The following METTL15 variants were observed in gnomAD, a reference collection of about 807,000 sequenced individuals.
The protein encoded by METTL15 is methyltransferase 15, mitochondrial 12S rRNA N4-cytidine.
In METTL15, 34 loss-of-function variants were observed where a neutral mutation model predicts 38.3. The ratio of observed to expected loss-of-function variants is 0.89; its 90% CI spans 0.68 to 1.18. The LOEUF is 1.18. Ranked by LOEUF, METTL15 falls within the 50% of genes most tolerant of loss-of-function variation. The probability of loss-of-function intolerance (pLI) is 0.00; values close to 1 mark genes in which losing one functional copy is unlikely to be tolerated. For missense variants in METTL15, 438 were observed against 498.4 expected, an observed-to-expected ratio of 0.88 and a Z score of 1.15; for synonymous variants, 162 against 170.9, an observed-to-expected ratio of 0.95 and a Z score of 0.41.
chr11:28,390,920 A>G (rs993306114), intron 5 of METTL15, among the ~76,000 whole-genome samples: 15 of 152,132 alleles, frequency 9.9e-5, no homozygotes, highest in African/African-American at 3.6e-4. Context: ...AGTGGTTTGT[A>G]GTTCCCCTTG....
chr11:28,411,380 A>G (rs749830750), intron 5 of METTL15, among the ~76,000 whole-genome samples: 1 of 152,096 alleles, frequency 6.6e-6, no homozygotes, highest in Non-Finnish European at 1.5e-5. Context: ...CTGGCATAAA[A>G]ACAGAAATAT....
intron 3 of METTL15, among the ~76,000 whole-genome samples, chr11:28,200,515 A>G (rs1260452758): frequency 2.0e-5 from 3 of 152,080 alleles, no homozygotes; most frequent in African/African-American, 4.8e-5. Context: ...TGTTGTTTCT[A>G]CTTAACTGGG....
chr11:28,279,943 A>G (rs1855991537), intron 4 of METTL15, among the ~76,000 whole-genome samples: 1 of 151,842 alleles, frequency 6.6e-6, no homozygotes, highest in Non-Finnish European at 1.5e-5. Flanking sequence ...GAAGGCTAAC[A>G]TAAATTAGTA....
At chr11:28,313,502 A>G (rs924951230) in intron 6 of METTL15, among the ~76,000 whole-genome samples, 1 of 151,886 alleles carries the variant, frequency 6.6e-6, no homozygotes, top group East Asian at 1.9e-4. Flanking sequence ...TTTTTCTATT[A>G]TAAAAGTATC....
rs926697084 is a variant in METTL15, at chr11:28,120,667, C to T, written c.270+7063C>T. Among the ~76,000 whole-genome samples, 6 of 152,254 alleles carry T rather than the reference C, an allele frequency of 3.9e-5. No individual in the cohort carries two copies. In the South Asian group the frequency reaches 1.2e-3, roughly 32 times the overall value. ...CCCTCTTCTTGAATTTTGTATCAAT[C>T]ACGATGCAGTTTTCCATACACTTTG... On this transcript the variant is annotated intron_variant, in intron 3 of 6. Coordinates refer to ENST00000407364, the MANE Select transcript of METTL15 (RefSeq NM_001113528.2).
chr11:28,438,074 G>A (rs140452242), intron 6 of METTL15, among the ~76,000 whole-genome samples: 86 of 152,284 alleles, frequency 5.6e-4, no homozygotes, highest in African/African-American at 2.0e-3. Flanking sequence ...AGCAAATGCA[G>A]ACTTATTATT....
At chr11:28,400,453 C>T (rs1433483498) in intron 5 of METTL15, among the ~76,000 whole-genome samples, 1 of 151,920 alleles carries the variant, frequency 6.6e-6, no homozygotes, top group East Asian at 1.9e-4. Flanking sequence ...AGATAAACAT[C>T]AAGCTGGCTT....
At chr11:28,160,634 G>T (rs1446062069) in intron 3 of METTL15, among the ~76,000 whole-genome samples, 1 of 152,004 alleles carries the variant, frequency 6.6e-6, no homozygotes, top group Non-Finnish European at 1.5e-5. Context: ...ATTGGAGTTG[G>T]TATACTTAAA....
At chr11:28,437,360 A>G (rs969311679) in intron 6 of METTL15, among the ~76,000 whole-genome samples, 1 of 152,222 alleles carries the variant, frequency 6.6e-6, no homozygotes, top group East Asian at 1.9e-4. Flanking sequence ...TGCCTGACAA[A>G]TATTAGGTGC....
intron 6 of METTL15, among the ~76,000 whole-genome samples, chr11:28,473,823 G>C (rs1851321531): frequency 6.6e-6 from 1 of 152,016 alleles, no homozygotes; most frequent in Admixed American, 6.6e-5. Flanking sequence ...TAACCTTGCA[G>C]GGTGTTTGCC....
intron 6 of METTL15, among the ~76,000 whole-genome samples, chr11:28,467,927 C>T (rs376050969): frequency 3.9e-5 from 6 of 152,034 alleles, no homozygotes; most frequent in Non-Finnish European, 4.4e-5. Flanking sequence ...ATTTATTTGT[C>T]GCACTTCCCC....
chr11:28,348,842 T>G (rs1390202894), intron 3 of METTL15, among the ~76,000 whole-genome samples: 2 of 152,184 alleles, frequency 1.3e-5, no homozygotes, highest in Non-Finnish European at 2.9e-5. Context: ...TCCTTCAAGC[T>G]TACTTCTGTG....
At chr11:28,135,935 T>G (rs1241573231) in intron 3 of METTL15, among the ~76,000 whole-genome samples, 2 of 152,206 alleles carry the variant, frequency 1.3e-5, no homozygotes, top group Non-Finnish European at 2.9e-5. Flanking sequence ...TAACTCTTGT[T>G]CTACTTGATA....
intron 5 of METTL15, among the ~76,000 whole-genome samples, chr11:28,390,369 A>G (rs11512181): frequency 0.4 from 59,925 of 149,866 alleles, 13,673 homozygotes; most frequent in Admixed American, 0.52. Context: ...TAGGTCTAAT[A>G]TTTAAGTCTT....
chr11:28,243,360 T>C (rs1854381807), intron 4 of METTL15, among the ~76,000 whole-genome samples: 1 of 152,156 alleles, frequency 6.6e-6, no homozygotes, highest in South Asian at 2.1e-4. Context: ...CAGTGTAATA[T>C]TTGGTGAAAT....
At chr11:28,322,775 A>G (rs1243813236) in intron 6 of METTL15, among the ~76,000 whole-genome samples, 2 of 152,128 alleles carry the variant, frequency 1.3e-5, no homozygotes, top group African/African-American at 2.4e-5. Flanking sequence ...CGTTTATTGC[A>G]TCATTTTATT....
chr11:28,133,480 C>T (rs1849406467), intron 3 of METTL15, among the ~76,000 whole-genome samples: 1 of 152,158 alleles, frequency 6.6e-6, no homozygotes, highest in Non-Finnish European at 1.5e-5. Flanking sequence ...TTATCACTGC[C>T]TAATAATCAT....
intron 5 of METTL15, among the ~76,000 whole-genome samples, chr11:28,385,323 G>T (rs2133388222): frequency 6.6e-6 from 1 of 152,192 alleles, no homozygotes; most frequent in South Asian, 2.1e-4. Flanking sequence ...TTTTGTATAT[G>T]GTGTAAGAAG....
intron 6 of METTL15, among the ~76,000 whole-genome samples, chr11:28,523,279 A>G (rs1470151086): frequency 2.0e-5 from 3 of 152,244 alleles, no homozygotes; most frequent in African/African-American, 7.2e-5. Context: ...ATACAACAAT[A>G]TAATTGAATT....
Sources: allele counts gnomAD v4.1 joint callset (sites outside exome capture counted in the v4.1 genomes callset), GRCh38; gene constraint gnomAD v4.1.1; transcripts MANE v1.5; gene names NCBI Gene and HGNC (gene_info 2026-07-23, HGNC 2026-07-21).